The following PTPRM variants were observed in gnomAD, a reference collection of about 807,000 sequenced individuals.
PTPRM encodes receptor-type tyrosine-protein phosphatase mu.
A neutral mutation model predicts 186.7 loss-of-function variants in PTPRM; 47 were observed. The ratio of observed to expected loss-of-function variants is 0.25; its 90% confidence interval spans 0.20 to 0.32. The LOEUF (loss-of-function observed/expected upper bound fraction) is 0.32. PTPRM is among the 10% of genes least tolerant of loss of function. PTPRM has a pLI of 1.00. For synonymous variants in PTPRM, 668 were observed against 674.9 expected, an observed-to-expected ratio of 0.99 and a Z score of 0.16; for missense variants, 1,494 against 1,865.0, an observed-to-expected ratio of 0.80 and a Z score of 3.66.
At chr18:7,578,908 T>C (rs1418168371) in intron 1 of PTPRM, among the ~76,000 whole-genome samples, 1 of 152,156 alleles carries the variant, frequency 6.6e-6, no homozygotes, top group Non-Finnish European at 1.5e-5. Flanking sequence ...CCCATCCTCA[T>C]GCAGATTACA....
At chr18:7,658,399 A>G (rs552922998) in intron 1 of PTPRM, among the ~76,000 whole-genome samples, 1 of 149,622 alleles carries the variant, frequency 6.7e-6, no homozygotes, top group South Asian at 2.1e-4. Flanking sequence ...GAACAACTTT[A>G]GTACAAGAGG....
intron 20 of PTPRM, among the ~76,000 whole-genome samples, chr18:8,312,852 C>G (rs2095279757): frequency 6.6e-6 from 1 of 152,152 alleles, no homozygotes; most frequent in South Asian, 2.1e-4. Context: ...TGCACCCCAA[C>G]TAATGGTAAG....
chr18:7,871,065 T>A (rs1209748696), intron 2 of PTPRM, among the ~76,000 whole-genome samples: 1 of 152,238 alleles, frequency 6.6e-6, no homozygotes, highest in Non-Finnish European at 1.5e-5. Flanking sequence ...GGCATTTTAA[T>A]GTGAACTGCT....
chr18:7,788,884 C>T (rs1403110152), intron 2 of PTPRM, among the ~76,000 whole-genome samples: 2 of 152,092 alleles, frequency 1.3e-5, no homozygotes, highest in Non-Finnish European at 2.9e-5. Context: ...TAGATTTGTC[C>T]AGCTGTTATA....
chr18:7,851,532 C>T (rs2046858154), intron 2 of PTPRM, among the ~76,000 whole-genome samples: 1 of 152,084 alleles, frequency 6.6e-6, no homozygotes, highest in Admixed American at 6.6e-5. Context: ...AGCTACAAGA[C>T]AGTGGATTGA....
intron 26 of PTPRM, 67 bp from the exon 27 acceptor site, chr18:8,378,198 A>G: frequency 2.0e-6 from 3 of 1,480,972 alleles, no homozygotes; most frequent in Admixed American, 3.5e-5. Flanking sequence ...TGGGGCTAAA[A>G]TTGATACCGT....
At chr18:7,824,558 C>T (rs1717352672) in intron 2 of PTPRM, among the ~76,000 whole-genome samples, 1 of 152,074 alleles carries the variant, frequency 6.6e-6, no homozygotes, top group Admixed American at 6.5e-5. Flanking sequence ...TTCCTTCTCT[C>T]TTCTTTTTCT....
At chr18:7,838,697 G>GGTCAGCAGAT (rs2046178664) in intron 2 of PTPRM, among the ~76,000 whole-genome samples, 1 of 152,158 alleles carries the variant, frequency 6.6e-6, no homozygotes, top group Admixed American at 6.5e-5. Flanking sequence ...CAAGGCCTTG[G>GGTCAGCAGAT]GGCTCTACAG....
intron 14 of PTPRM, among the ~76,000 whole-genome samples, chr18:8,239,318 CT>C (rs1197112072): frequency 6.6e-6 from 1 of 151,954 alleles, no homozygotes; most frequent in African/African-American, 2.4e-5. Context: ...CATAGCTTCT[CT>C]TAAGAGCAGG....
intron 8 of PTPRM, among the ~76,000 whole-genome samples, chr18:8,071,734 C>G (rs76001697): frequency 6.6e-6 from 1 of 152,188 alleles, no homozygotes; most frequent in African/African-American, 2.4e-5. Flanking sequence ...CTCTCCTGGC[C>G]GCTTCTCAAG....
chr18:8,006,166 A>G (rs2084173937), intron 7 of PTPRM, among the ~76,000 whole-genome samples: 1 of 152,250 alleles, frequency 6.6e-6, no homozygotes, highest in Non-Finnish European at 1.5e-5. Flanking sequence ...AGTAATTAAG[A>G]TAAATCTATT....
chr18:7,749,516 G>A (rs892365935), intron 1 of PTPRM: 2 of 152,148 alleles, frequency 1.3e-5, no homozygotes, highest in African/African-American at 4.8e-5. Context: ...GAGATTATGG[G>A]TGTGTTTTTA....
chr18:7,598,271 C>T (rs904174417), intron 1 of PTPRM, among the ~76,000 whole-genome samples: 2 of 152,156 alleles, frequency 1.3e-5, no homozygotes, highest in Non-Finnish European at 2.9e-5. Context: ...AATATCTTCT[C>T]GTAAACAGTG....
At chr18:8,293,775 C>T (rs2147860079) in intron 19 of PTPRM, among the ~76,000 whole-genome samples, 1 of 152,228 alleles carries the variant, frequency 6.6e-6, no homozygotes, top group Admixed American at 6.5e-5. Flanking sequence ...ATAGAAGCTA[C>T]ATGTTTGAAT....
At chr18:7,580,721 C>T (rs1294582994) in intron 1 of PTPRM, among the ~76,000 whole-genome samples, 3 of 152,228 alleles carry the variant, frequency 2.0e-5, no homozygotes, top group African/African-American at 4.8e-5. Flanking sequence ...GAGGTAAAGT[C>T]GTCTCCACTC....
intron 19 of PTPRM, among the ~76,000 whole-genome samples, chr18:8,257,207 A>C (rs2094582918): frequency 6.6e-6 from 1 of 152,170 alleles, no homozygotes; most frequent in Non-Finnish European, 1.5e-5. Flanking sequence ...GAGAAGGTGA[A>C]AGAGGGTAGC....
At chr18:8,014,205 A>G (rs2084714362) in intron 7 of PTPRM, among the ~76,000 whole-genome samples, 2 of 152,134 alleles carry the variant, frequency 1.3e-5, no homozygotes, top group Non-Finnish European at 2.9e-5. Flanking sequence ...TTTTTGAAAA[A>G]AATTTATCAC....
Position 7,774,314 on chromosome 18 carries a change from G to T in PTPRM, c.196+43G>T, listed in dbSNP as rs200044081. ...AGTTTTGTTTTAAAGAGGAACACAA[G>T]AGTCTCAATCATACTATGTGTTCAC... On this transcript the variant is annotated intron_variant, in intron 2 of 32. Transcript: ENST00000580170. 15 of 1,601,924 alleles carry T rather than the reference G, an allele frequency of 9.4e-6. No homozygotes were observed. In the East Asian group the frequency reaches 3.4e-4, roughly 36 times the overall value.
At chr18:7,649,582 C>T (rs1468059363) in intron 1 of PTPRM, among the ~76,000 whole-genome samples, 1 of 151,930 alleles carries the variant, frequency 6.6e-6, no homozygotes, top group East Asian at 1.9e-4. Flanking sequence ...TGATTCCAAC[C>T]CTCGTGAATG....
Sources: allele counts gnomAD v4.1 joint callset (sites outside exome capture counted in the v4.1 genomes callset), GRCh38; gene constraint gnomAD v4.1.1; transcripts MANE v1.5; gene names NCBI Gene and HGNC (gene_info 2026-07-23, HGNC 2026-07-21).